The following PIAS1 variants were observed in gnomAD, a reference collection of about 807,000 sequenced individuals.
PIAS1 encodes protein inhibitor of activated STAT 1.
Under a neutral mutation model 71.3 loss-of-function variants are expected in PIAS1, and 6 were observed. That is an observed-to-expected ratio of 0.08 (90% CI 0.05 to 0.17). PIAS1 has a LOEUF of 0.17. PIAS1 is among the 10% of genes least tolerant of loss of function. The pLI is 1.00. For synonymous variants in PIAS1, 303 were observed against 292.9 expected, an observed-to-expected ratio of 1.03 and a Z score of -0.35; for missense variants, 555 against 793.6, an observed-to-expected ratio of 0.70 and a Z score of 3.61.
chr15:68,113,046 G>C (rs1286348299), intron 2 of PIAS1, among the ~76,000 whole-genome samples: 2 of 152,148 alleles, frequency 1.3e-5, no homozygotes, highest in South Asian at 4.1e-4. Flanking sequence ...ACATTGGTTT[G>C]TTTATTTATT....
chr15:68,157,777 G>C (rs988189922), intron 7 of PIAS1, among the ~76,000 whole-genome samples: 1 of 152,046 alleles, frequency 6.6e-6, no homozygotes, highest in African/African-American at 2.4e-5. Flanking sequence ...CAAAATACAT[G>C]TCTTCATCTC....
At chr15:68,067,025 G>C (rs1352583) in intron 1 of PIAS1, among the ~76,000 whole-genome samples, 30 of 152,140 alleles carry the variant, frequency 2.0e-4, no homozygotes, top group Admixed American at 1.6e-3. Flanking sequence ...AACAAGGCAG[G>C]ATAAAGGTGT....
At chr15:68,168,637 A>G (rs1158733699) in intron 8 of PIAS1, among the ~76,000 whole-genome samples, 1 of 152,100 alleles carries the variant, frequency 6.6e-6, no homozygotes, top group Non-Finnish European at 1.5e-5. Context: ...GAGAAAATCG[A>G]TATCTGTTTT....
At chr15:68,103,058 G>T (rs2092441075) in intron 2 of PIAS1, among the ~76,000 whole-genome samples, 1 of 152,040 alleles carries the variant, frequency 6.6e-6, no homozygotes, top group Non-Finnish European at 1.5e-5. Flanking sequence ...CTTCTGAGTA[G>T]CTGGGACTAT....
chr15:68,105,220 T>A (rs537407401), intron 2 of PIAS1, among the ~76,000 whole-genome samples: 274 of 152,230 alleles, frequency 1.8e-3, no homozygotes, highest in Non-Finnish European at 3.3e-3. Flanking sequence ...AATATATTAC[T>A]ATTTACCAGA....
At chr15:68,138,754 C>T (rs575379373) in intron 2 of PIAS1, among the ~76,000 whole-genome samples, 116 of 152,260 alleles carry the variant, frequency 7.6e-4, no homozygotes, top group African/African-American at 2.6e-3. Flanking sequence ...GGATTACAGG[C>T]GTGAGCCACC....
At position 68,095,527 on chromosome 15, in the gene PIAS1, C is replaced by G. The variant is rs200854422; in HGVS notation, c.469+8777C>G. 1.5e-5 allele frequency among the ~76,000 whole-genome samples: 2 copies of G among 131,976 alleles called. 1 individual carries two copies. Among genetic ancestry groups the G allele is most frequent in the South Asian group, 4.8e-4 (2 of 4,190 alleles). The allele number at this position is 131,976 out of a possible 152,430, so 86.6% of individuals were successfully genotyped here. On this transcript the variant is annotated intron_variant, in intron 2 of 13. Coordinates refer to ENST00000249636, the MANE Select transcript of PIAS1 (RefSeq NM_016166.3). ...GTTTGGAAAATAATTTTAAGACATT[C>G]TTTTTTTTTTTTTTTTTTCTGGAGA...
rs184701330 is a variant in PIAS1 at position 68,099,044 on chromosome 15, A to G, written c.469+12294A>G. On this transcript the variant is annotated intron_variant, in intron 2 of 13. Coordinates refer to ENST00000249636, the MANE Select transcript of PIAS1 (RefSeq NM_016166.3). ...CCTTCAACGATACCATGTGTTATTA[A>G]ACTTTTTGATCATTCCAAATTAACA... 8.5e-5 allele frequency among the ~76,000 whole-genome samples: 13 copies of G among 152,192 alleles called. No individual in the cohort carries two copies. The East Asian group carries it at 2.1e-3, about 25-fold the overall frequency.
chr15:68,133,700 T>TTA (rs1280485890), intron 2 of PIAS1, among the ~76,000 whole-genome samples: 6 of 32 alleles, frequency 0.19, 3 homozygotes, highest in African/African-American at 0.19. Flanking sequence ...TTTTTATTTT[T>TTA]TTTTTTGTTT....
intron 1 of PIAS1, among the ~76,000 whole-genome samples, chr15:68,059,240 C>G: frequency 6.6e-6 from 1 of 151,904 alleles, no homozygotes. Flanking sequence ...ATCTCCTGAC[C>G]TTGTGATTTG....
rs2093113661 is a variant in PIAS1 at position 68,190,404 on chromosome 15, C to G, written c.*2569C>G. 6.6e-6 allele frequency: 1 copy of G among 152,190 alleles called. No homozygotes were observed. 9.4% of individuals were successfully genotyped at this position (152,190 alleles called of 1,614,324 possible). On this transcript the variant is annotated 3_prime_UTR_variant, in exon 14 of 14. Coordinates refer to ENST00000249636, the MANE Select transcript of PIAS1 (RefSeq NM_016166.3). The surrounding 1 kb of genome is among the most constrained non-coding windows in gnomAD (Gnocchi z 4.7). The stretch of plus-strand genomic sequence containing the variant: ...AATATCAATCAGACTTTCATGATCT[C>G]TACTAATTATTAGTAGAGTCCTGTA...
chr15:68,192,306 A>G lies in PIAS1; in HGVS notation c.*4471A>G, dbSNP rs1446954960. 1 of 152,174 alleles carries G rather than the reference A, an allele frequency of 6.6e-6. No homozygotes were observed. Among genetic ancestry groups the G allele is most frequent in the African/African-American group, 2.4e-5 (1 of 41,442 alleles). 9.4% of individuals were successfully genotyped at this position (152,174 alleles called of 1,614,324 possible). On this transcript the variant is annotated 3_prime_UTR_variant, in exon 14 of 14. Transcript: ENST00000249636. ...CTCTGGTGGATTTACCATGAAGGTA[A>G]TGAAGTTTAAGCACCAGGACCCTTC...
chr15:68,132,921 G>T (rs773201274), intron 2 of PIAS1, among the ~76,000 whole-genome samples: 2 of 150,592 alleles, frequency 1.3e-5, no homozygotes, highest in Non-Finnish European at 3.0e-5. Context: ...CCCATTCTCT[G>T]TCTCTCATAG....
intron 5 of PIAS1, among the ~76,000 whole-genome samples, chr15:68,146,123 T>C (rs912822335): frequency 1.8e-4 from 27 of 152,196 alleles, no homozygotes; most frequent in African/African-American, 5.3e-4. Context: ...ATGGTAGCTT[T>C]AGTGTTGTAC....
intron 6 of PIAS1, among the ~76,000 whole-genome samples, chr15:68,150,626 T>G (rs766885293): frequency 4.6e-5 from 7 of 152,184 alleles, no homozygotes; most frequent in Non-Finnish European, 1.0e-4. Flanking sequence ...GTGAGTTATA[T>G]TGTAACTTCT....
In PIAS1 at chr15:68,186,454, C is replaced by A. The variant is rs756137992; in HGVS notation, c.1663-1088C>A. On this transcript the variant is annotated intron_variant, in intron 13 of 13. Coordinates refer to ENST00000249636, the MANE Select transcript of PIAS1 (RefSeq NM_016166.3). This position sits in a 1 kb window ranked among gnomAD's most constrained non-coding sequence, Gnocchi z 4.4. ...GTTTTAAATTAAGTGTTACAAGAGT[C>A]AAAGTTTTAAAAAATCAGTTTATAA... Among the ~76,000 whole-genome samples the A allele has an allele frequency of 2.6e-5, 4 of 152,146 alleles. No individual in the cohort carries two copies. Among genetic ancestry groups the A allele is most frequent in the Non-Finnish European group, 4.4e-5 (3 of 68,010 alleles).
intron 2 of PIAS1, among the ~76,000 whole-genome samples, chr15:68,087,397 A>G (rs2092293449): frequency 6.6e-6 from 1 of 152,226 alleles, no homozygotes; most frequent in Admixed American, 6.5e-5. Flanking sequence ...TTTAATTGCT[A>G]TAATGCTACC....
chr15:68,118,092 C>T (rs1205681267), intron 2 of PIAS1, among the ~76,000 whole-genome samples: 1 of 151,954 alleles, frequency 6.6e-6, no homozygotes, highest in Non-Finnish European at 1.5e-5. Flanking sequence ...TTTGGGAGGC[C>T]GAGGAGCGGG....
chr15:68,175,758 G>A lies in PIAS1; in HGVS notation c.1291G>A (p.Gly431Arg). 1.2e-6 allele frequency: 2 copies of A among 1,603,674 alleles called. No individual in the cohort carries two copies. Among genetic ancestry groups the A allele is most frequent in the Non-Finnish European group, 1.7e-6 (2 of 1,174,360 alleles). ...EVQEVSASYN[G>R]VDGCLSSTLE... is the part of the protein sequence containing the mutation. ...ACAGGAAGTTTCTGCCTCTTACAAT[G>A]GAGTCGATGGTGAGTAGTTCTTCAC... Residue 431 changes from glycine (G) to arginine (R), a missense_variant, in exon 10 of 14, where the codon GGA becomes AGA. Transcript: ENST00000249636.
Sources: allele counts gnomAD v4.1 joint callset (sites outside exome capture counted in the v4.1 genomes callset), GRCh38; gene constraint gnomAD v4.1.1; non-coding constraint Gnocchi (gnomAD v3.1); transcripts MANE v1.5; gene names NCBI Gene and HGNC (gene_info 2026-07-23, HGNC 2026-07-21).